Variants in ARHGAP15 observed in about 807,000 individuals in gnomAD.
ARHGAP15 encodes rho GTPase-activating protein 15.
In ARHGAP15, 51 loss-of-function variants were observed where a neutral mutation model predicts 63.7. The ratio of observed to expected loss-of-function variants is 0.80; its 90% CI spans 0.64 to 1.01. The LOEUF (loss-of-function observed/expected upper bound fraction) is 1.01, where lower values mean the gene tolerates loss of function less well. Among genes scored for constraint, ARHGAP15 ranks in the 50% least tolerant of loss-of-function variants. The probability of loss-of-function intolerance (pLI) is 0.00; values close to 1 mark genes in which losing one functional copy is unlikely to be tolerated. For synonymous variants in ARHGAP15, 191 were observed against 193.8 expected, an observed-to-expected ratio of 0.99 and a Z score of 0.12; for missense variants, 560 against 564.6, an observed-to-expected ratio of 0.99 and a Z score of 0.08.
At chr2:143,653,197 T>G (rs1681261389) in intron 12 of ARHGAP15, among the ~76,000 whole-genome samples, 1 of 152,144 alleles carries the variant, frequency 6.6e-6, no homozygotes, top group Non-Finnish European at 1.5e-5. Flanking sequence ...TTTAAAATGC[T>G]AAATCAAAAC....
At chr2:143,453,951 G>A (rs1690527041) in intron 8 of ARHGAP15, among the ~76,000 whole-genome samples, 1 of 152,014 alleles carries the variant, frequency 6.6e-6, no homozygotes, top group Non-Finnish European at 1.5e-5. Flanking sequence ...GTCATATTGA[G>A]AGGGTTAAAC....
intron 13 of ARHGAP15, among the ~76,000 whole-genome samples, chr2:143,732,088 G>C (rs1305286311): frequency 6.6e-6 from 1 of 152,190 alleles, no homozygotes; most frequent in Non-Finnish European, 1.5e-5. Flanking sequence ...GAATGATTTG[G>C]AACCTGTTCC....
intron 11 of ARHGAP15, among the ~76,000 whole-genome samples, chr2:143,606,248 TC>T (rs1698024665): frequency 1.3e-5 from 2 of 152,142 alleles, no homozygotes; most frequent in African/African-American, 2.4e-5. Flanking sequence ...AGTATTTGAC[TC>T]AAAGCCTTGG....
chr2:143,578,881 A>G (rs66494133), intron 11 of ARHGAP15, among the ~76,000 whole-genome samples: 28,985 of 152,184 alleles, frequency 0.19, 3,139 homozygotes, highest in Middle Eastern at 0.28. Flanking sequence ...ATTGTATAAT[A>G]TATTATTAGC....
At chr2:143,324,050 A>G (rs749306564) in intron 6 of ARHGAP15, among the ~76,000 whole-genome samples, 2 of 152,162 alleles carry the variant, frequency 1.3e-5, no homozygotes, top group East Asian at 1.9e-4. Flanking sequence ...AGTTGAGGCC[A>G]TGTGCTATCC....
At chr2:143,177,411 C>G (rs954861505) in intron 2 of ARHGAP15, among the ~76,000 whole-genome samples, 1 of 152,200 alleles carries the variant, frequency 6.6e-6, no homozygotes, top group African/African-American at 2.4e-5. Context: ...ATAGTCCCCA[C>G]TCTCACCAAG....
intron 6 of ARHGAP15, among the ~76,000 whole-genome samples, chr2:143,274,438 C>T (rs1681444169): frequency 6.6e-6 from 1 of 152,172 alleles, no homozygotes; most frequent in African/African-American, 2.4e-5. Context: ...TTTGGAAATG[C>T]AGAAACAGTT....
chr2:143,667,582 T>TAAAAAAAAAAAAAAAAA (rs71338146), intron 12 of ARHGAP15, among the ~76,000 whole-genome samples: 3 of 138,950 alleles, frequency 2.2e-5, no homozygotes, highest in African/African-American at 5.7e-5. Context: ...TAAAAAAAAT[T>TAAAAAAAAAAAAAAAAA]AAAAAAAAAA....
At chr2:143,220,474 G>A (rs36086239) in intron 4 of ARHGAP15, among the ~76,000 whole-genome samples, 4,509 of 152,270 alleles carry the variant, frequency 0.03, 96 homozygotes, top group Middle Eastern at 0.11. Flanking sequence ...GCCTCACAAC[G>A]TATTGGGATT....
intron 13 of ARHGAP15, among the ~76,000 whole-genome samples, chr2:143,728,727 G>A (rs1205144912): frequency 1.3e-5 from 2 of 152,028 alleles, no homozygotes; most frequent in African/African-American, 2.4e-5. Flanking sequence ...CACAGTGCCC[G>A]ACCGAGCCCC....
intron 2 of ARHGAP15, among the ~76,000 whole-genome samples, chr2:143,200,506 G>A (rs781688753): frequency 1.3e-5 from 2 of 151,722 alleles, no homozygotes; most frequent in Non-Finnish European, 2.9e-5. Flanking sequence ...TAGTACTCAG[G>A]TCTGCTTTAT....
At chr2:143,489,777 T>C (rs768911110) in intron 9 of ARHGAP15, among the ~76,000 whole-genome samples, 1 of 152,216 alleles carries the variant, frequency 6.6e-6, no homozygotes. Flanking sequence ...AAGAATTATT[T>C]AGAAAGAGGA....
chr2:143,268,530 CA>C (rs1357952043), intron 6 of ARHGAP15, among the ~76,000 whole-genome samples: 1 of 152,076 alleles, frequency 6.6e-6, no homozygotes, highest in Non-Finnish European at 1.5e-5. Context: ...TTGTATAAAT[CA>C]TTTTTTTTCT....
intron 2 of ARHGAP15, among the ~76,000 whole-genome samples, chr2:143,175,078 T>C (rs956905860): frequency 6.6e-6 from 1 of 152,114 alleles, no homozygotes; most frequent in African/African-American, 2.4e-5. Context: ...AAGTGGACAC[T>C]CTGTAGTGGT....
intron 13 of ARHGAP15, among the ~76,000 whole-genome samples, chr2:143,757,519 A>AATAT (rs376858993): frequency 8.6e-5 from 13 of 150,888 alleles, no homozygotes; most frequent in African/African-American, 2.7e-4. Flanking sequence ...TCAAAAAGAA[A>AATAT]ATATATATAT....
At chr2:143,633,815 C>T (rs1476907171) in intron 12 of ARHGAP15, among the ~76,000 whole-genome samples, 2 of 152,058 alleles carry the variant, frequency 1.3e-5, no homozygotes, top group Non-Finnish European at 2.9e-5. Flanking sequence ...GTTGGGAGGC[C>T]TTCTATCCTA....
intron 1 of ARHGAP15, among the ~76,000 whole-genome samples, chr2:143,131,938 G>A (rs1406697851): frequency 6.6e-6 from 1 of 151,898 alleles, no homozygotes; most frequent in East Asian, 1.9e-4. Flanking sequence ...ATCCATCCCA[G>A]TGATGTATCC....
chr2:143,588,776 T>C (rs1402031225), intron 11 of ARHGAP15, among the ~76,000 whole-genome samples: 8 of 152,330 alleles, frequency 5.3e-5, no homozygotes, highest in African/African-American at 1.7e-4. Context: ...ACATCCCCTG[T>C]ACTGTGTTAA....
intron 11 of ARHGAP15, among the ~76,000 whole-genome samples, chr2:143,623,475 G>C (rs1004516747): frequency 2.0e-5 from 3 of 151,976 alleles, no homozygotes; most frequent in African/African-American, 7.3e-5. Flanking sequence ...GCCTACGTAG[G>C]CCAACAGGGG....
Sources: gnomAD v4.1 joint callset for allele counts (sites outside exome capture counted in the v4.1 genomes callset) on GRCh38, gnomAD v4.1.1 for gene constraint, MANE v1.5 for transcripts, NCBI Gene and HGNC (gene_info 2026-07-23, HGNC 2026-07-21) for gene names.